Variants in MYO15B observed in about 807,000 individuals in gnomAD.
MYO15B encodes myosin XVB.
MYO15B carries 207 observed loss-of-function variants against 119.3 expected under a neutral mutation model. The observed-to-expected ratio is 1.73, with a 90% CI of 1.55 to 1.95. The LOEUF (loss-of-function observed/expected upper bound fraction) is 1.95, where lower values mean the gene tolerates loss of function less well. MYO15B is among the 30% of genes most tolerant of loss of function. The pLI is 0.00. For missense variants in MYO15B, 2,264 were observed against 1,203.1 expected (o/e 1.88, Z -13.04); for synonymous variants, 966 against 498.9 (o/e 1.94, Z -12.48).
chr17:75,625,631 G>A, exon 61 of MYO15B: 1 of 703,068 alleles, frequency 1.4e-6, no homozygotes, highest in Non-Finnish European at 2.6e-6. Context: ...GAAGGACACA[G>A]CCCCCAGGAA....
At chr17:75,613,146 C>T (rs760079130) in exon 27 of MYO15B, 1 of 702,560 alleles carries the variant, frequency 1.4e-6, no homozygotes, top group South Asian at 1.5e-5. Context: ...CGTGGCTGGG[C>T]CCTCATGGCT....
At chr17:75,592,593 C>T (rs1428564954) in intron 8 of MYO15B, 52 bp downstream of exon 8, 16 of 624,760 alleles carry the variant, frequency 2.6e-5, no homozygotes, top group South Asian at 1.5e-4. Flanking sequence ...AGGAGGATCT[C>T]GGCCCGGAGG....
At chr17:75,611,853 G>C (rs3743992) in intron 24 of MYO15B, 33 bp from the exon 25 acceptor site, 3 of 702,164 alleles carry the variant, frequency 4.3e-6, no homozygotes, top group African/African-American at 1.7e-5. Flanking sequence ...ACACCTGGAT[G>C]CTCCTGGGCT....
exon 16 of MYO15B, chr17:75,602,528 T>C: frequency 1.4e-6 from 1 of 702,274 alleles, no homozygotes; most frequent in Non-Finnish European, 2.6e-6. Context: ...TTCACAAGTT[T>C]TTAAACAGAA....
chr17:75,591,079 C>T (rs924495794), intron 3 of MYO15B, 63 bp downstream of exon 3: 71 of 690,268 alleles, frequency 1.0e-4, no homozygotes, highest in Non-Finnish European at 1.6e-4. Context: ...CCTGCATGTC[C>T]CCTTGACTGA....
chr17:75,601,858 C>G (rs2057306932), intron 15 of MYO15B, among the ~76,000 whole-genome samples: 1 of 152,216 alleles, frequency 6.6e-6, no homozygotes, highest in East Asian at 1.9e-4. Flanking sequence ...GCCTCCGTTT[C>G]CTCACCTGTA....
At chr17:75,615,864 T>A in exon 36 of MYO15B, 1 of 695,320 alleles carries the variant, frequency 1.4e-6, no homozygotes, top group Non-Finnish European at 2.6e-6. Flanking sequence ...TGACCTGGGA[T>A]CAGAGGGTGG....
In MYO15B at chr17:75,625,679, G is replaced by C. The variant is rs755959267; in HGVS notation, c.8938+19G>C. On this transcript the variant is annotated intron_variant, in intron 61 of 63. Transcript: ENST00000645453. ...TTCATTGGTGGGTCTGGGACTAGGG[G>C]ACCGCTGGGTGGGGGCTGGAGGCCA... The C allele has an allele frequency of 1.4e-6, 1 of 702,702 alleles. No individual in the cohort carries two copies. The highest frequency in any genetic ancestry group is 2.0e-5 in the Admixed American group (1 of 49,990). 43.5% of individuals were successfully genotyped at this position (702,702 alleles called of 1,614,324 possible).
intron 14 of MYO15B, among the ~76,000 whole-genome samples, chr17:75,600,099 C>T (rs1243756517): frequency 1.3e-5 from 2 of 148,204 alleles, no homozygotes; most frequent in African/African-American, 5.0e-5. Context: ...TCTCAGCTCA[C>T]TGCTGCAAAC....
intron 5 of MYO15B, 31 bp from the exon 6 acceptor site, chr17:75,591,946 C>T (rs746840): frequency 0.32 from 220,145 of 698,624 alleles, 36,305 homozygotes; most frequent in Middle Eastern, 0.42. Flanking sequence ...TACTGCTGCC[C>T]AGGGATGCTT....
intron 21 of MYO15B, among the ~76,000 whole-genome samples, chr17:75,607,589 T>G (rs2057738676): frequency 6.6e-6 from 1 of 151,878 alleles, no homozygotes; most frequent in Non-Finnish European, 1.5e-5. Context: ...TAACTGGGAT[T>G]ACAGGCACCC....
rs2305531 is a variant in MYO15B, at chr17:75,620,499, G to A, written c.7588G>A (p.Gly2530Arg). ...GTTTGGCTCTGCCGGGGGCCGTTCC[G>A]GACTCTTTCCTGCCGACATAGTGCA... Residue 2530 changes from glycine (G) to arginine (R), a missense_variant, in exon 49 of 64, where the codon GGA becomes AGA. Transcript: ENST00000645453. The A allele has an allele frequency of 2.8e-4, 195 of 702,778 alleles. 2 individuals are homozygous for A. The East Asian group carries it at 5.1e-3, about 18-fold the overall frequency. The allele number at this position is 702,778 out of a possible 1,614,324, so 43.5% of individuals were successfully genotyped here.
At chr17:75,616,935 A>G in exon 40 of MYO15B, 1 of 702,940 alleles carries the variant, frequency 1.4e-6, no homozygotes, top group East Asian at 2.7e-5. Context: ...CAAGCTGGGT[A>G]TCAACGGTGC....
chr17:75,618,170 G>C (rs184524198), exon 43 of MYO15B: 1 of 703,126 alleles, frequency 1.4e-6, no homozygotes, highest in African/African-American at 1.7e-5. Context: ...ACTACCTGAG[G>C]CTCCTCTGTG....
At chr17:75,617,624 G>A (rs770237227) in intron 41 of MYO15B, 186 bp from the exon 42 acceptor site, 32 of 568,684 alleles carry the variant, frequency 5.6e-5, no homozygotes, top group Non-Finnish European at 8.8e-5. Context: ...CCTCACGGAC[G>A]CCAGGGAAAG....
chr17:75,595,771 G>A (rs528950802), intron 12 of MYO15B, among the ~76,000 whole-genome samples: 1 of 152,346 alleles, frequency 6.6e-6, no homozygotes, highest in African/African-American at 2.4e-5. Context: ...GGAGGAAAGG[G>A]AAGAGGGAGA....
exon 48 of MYO15B, chr17:75,620,338 G>C (rs753263452): frequency 1.7e-5 from 12 of 702,830 alleles, no homozygotes. Context: ...AGCTGCTGCC[G>C]GTGGCCACCC....
chr17:75,618,171 C>T (rs753684882), exon 43 of MYO15B: 6 of 703,144 alleles, frequency 8.5e-6, no homozygotes, highest in East Asian at 2.7e-5. Context: ...CTACCTGAGG[C>T]TCCTCTGTGA....
At chr17:75,626,499 G>A (rs992426694) in exon 64 of MYO15B, 10 of 702,978 alleles carry the variant, frequency 1.4e-5, no homozygotes, top group Middle Eastern at 4.6e-4. Context: ...AGTGCAGGCC[G>A]GGGAGAGAAG....
Sources: gnomAD v4.1 joint callset for allele counts (sites outside exome capture counted in the v4.1 genomes callset) on GRCh38, gnomAD v4.1.1 for gene constraint, MANE v1.5 for transcripts, NCBI Gene and HGNC (gene_info 2026-07-23, HGNC 2026-07-21) for gene names.